The following KDM2A variants were observed in gnomAD, a reference collection of about 807,000 sequenced individuals.
KDM2A encodes the protein lysine-specific demethylase 2A.
In KDM2A, 3 loss-of-function variants were observed where a neutral mutation model predicts 137.3. The ratio of observed to expected loss-of-function variants is 0.02; its 90% CI spans 0.01 to 0.06. The LOEUF (loss-of-function observed/expected upper bound fraction) is 0.06. KDM2A is among the 10% of genes least tolerant of loss of function. The pLI is 1.00. For synonymous variants in KDM2A, 512 were observed against 541.5 expected (o/e 0.95, Z 0.76); for missense variants, 738 against 1,510.6 (o/e 0.49, Z 8.48).
At chr11:67,126,689 CAG>C (rs1197694727) in intron 2 of KDM2A, among the ~76,000 whole-genome samples, 3 of 135,636 alleles carry the variant, frequency 2.2e-5, no homozygotes, top group Non-Finnish European at 3.1e-5. Context: ...GCCTGGGCGA[CAG>C]AGCGAGACTC....
At chr11:67,249,062 G>A (rs1390808541) in intron 16 of KDM2A, among the ~76,000 whole-genome samples, 1 of 152,236 alleles carries the variant, frequency 6.6e-6, no homozygotes, top group Non-Finnish European at 1.5e-5. Flanking sequence ...CACGGGAGCA[G>A]GGAAGGGGGC....
intron 2 of KDM2A, among the ~76,000 whole-genome samples, chr11:67,161,036 C>G (rs1020433539): frequency 6.6e-6 from 1 of 152,274 alleles, no homozygotes; most frequent in East Asian, 1.9e-4. Context: ...ACTTCTCTTT[C>G]CTTTCCTTTT....
chr11:67,232,786 C>G (rs1448005617), intron 12 of KDM2A, among the ~76,000 whole-genome samples: 1 of 151,792 alleles, frequency 6.6e-6, no homozygotes, highest in African/African-American at 2.4e-5. Context: ...CGGCTCACTG[C>G]AACCTCCACC....
At chr11:67,204,245 A>G (rs2136375747) in intron 5 of KDM2A, among the ~76,000 whole-genome samples, 1 of 152,248 alleles carries the variant, frequency 6.6e-6, no homozygotes, top group South Asian at 2.1e-4. Context: ...ATTTTAAAGC[A>G]TACCAGTGTC....
chr11:67,191,811 A>G (rs924848313), intron 5 of KDM2A, among the ~76,000 whole-genome samples: 28 of 152,328 alleles, frequency 1.8e-4, no homozygotes, highest in East Asian at 1.3e-3. Flanking sequence ...CCTCTATTCA[A>G]TGTAGCACTG....
chr11:67,232,080 A>G (rs937198588), intron 12 of KDM2A, 120 bp downstream of exon 12: 7 of 913,582 alleles, frequency 7.7e-6, no homozygotes, highest in African/African-American at 6.6e-5. Flanking sequence ...AGAGAAGTTA[A>G]TATGCATGTG....
chr11:67,254,544 C>G lies in KDM2A; in HGVS notation c.3307+126C>G. On this transcript the variant is annotated intron_variant, in intron 20 of 20. Coordinates refer to ENST00000529006, the MANE Select transcript of KDM2A (RefSeq NM_012308.3). This position sits in a 1 kb window ranked among gnomAD's most constrained non-coding sequence, Gnocchi z 4.7. The stretch of plus-strand genomic sequence containing the variant: ...CCCACATCAGCTCATTTCTTCACAT[C>G]TGGACAAGGACATGGATTTCTATCC... 2.4e-6 allele frequency: 2 copies of G among 817,330 alleles called. No homozygotes were observed. Among genetic ancestry groups the G allele is most frequent in the Non-Finnish European group, 4.1e-6 (2 of 493,012 alleles). The allele number at this position is 817,330 out of a possible 1,614,324, so 50.6% of individuals were successfully genotyped here. A position where few individuals can be genotyped will look rare whatever the true frequency, so the allele number is the denominator to read the frequency against.
intron 12 of KDM2A, among the ~76,000 whole-genome samples, chr11:67,237,480 G>A (rs867764556): frequency 5.3e-5 from 8 of 151,192 alleles, no homozygotes; most frequent in Admixed American, 3.3e-4. Flanking sequence ...TATTAGCAAC[G>A]AGGTCTTGCT....
At chr11:67,151,301 G>A (rs1856381111) in intron 2 of KDM2A, among the ~76,000 whole-genome samples, 1 of 151,894 alleles carries the variant, frequency 6.6e-6, no homozygotes, top group African/African-American at 2.4e-5. Flanking sequence ...GTGAAATGTG[G>A]CTACTATGAA....
At chr11:67,226,315 G>A (rs1012661701) in intron 10 of KDM2A, among the ~76,000 whole-genome samples, 1 of 152,066 alleles carries the variant, frequency 6.6e-6, no homozygotes, top group Non-Finnish European at 1.5e-5. Flanking sequence ...TTCATTTGAT[G>A]GATCTGATTT....
intron 5 of KDM2A, among the ~76,000 whole-genome samples, chr11:67,182,597 A>G (rs566875604): frequency 1.3e-4 from 20 of 148,464 alleles, no homozygotes; most frequent in Non-Finnish European, 2.8e-4. Flanking sequence ...CAGTGGCACA[A>G]TCTCGGCTCA....
At chr11:67,247,040 TATA>T (rs1565423985) in intron 15 of KDM2A, among the ~76,000 whole-genome samples, 35 of 19,212 alleles carry the variant, frequency 1.8e-3, no homozygotes, top group South Asian at 0.014. Flanking sequence ...AATTATTTTA[TATA>T]TATATATATA....
intron 2 of KDM2A, among the ~76,000 whole-genome samples, chr11:67,126,870 AC>A (rs1355368059): frequency 6.6e-6 from 1 of 152,162 alleles, no homozygotes; most frequent in East Asian, 1.9e-4. Flanking sequence ...TTGGAGTGGA[AC>A]AGCTAGGAAA....
intron 5 of KDM2A, among the ~76,000 whole-genome samples, chr11:67,199,055 C>A (rs530351204): frequency 5.9e-5 from 9 of 152,278 alleles, no homozygotes; most frequent in African/African-American, 1.9e-4. Context: ...GCTGAGATTA[C>A]AGGCATGAGC....
At chr11:67,166,685 G>A (rs995386804) in intron 2 of KDM2A, among the ~76,000 whole-genome samples, 2 of 151,536 alleles carry the variant, frequency 1.3e-5, no homozygotes, top group Admixed American at 6.6e-5. Flanking sequence ...TACAGATCAG[G>A]TATCTGTACT....
chr11:67,241,487 A>C (rs1001461977), intron 12 of KDM2A, among the ~76,000 whole-genome samples: 3 of 152,042 alleles, frequency 2.0e-5, no homozygotes, highest in African/African-American at 7.3e-5. Context: ...TCCTTAGGTT[A>C]AGAATGAAAA....
chr11:67,158,934 T>G (rs993869243), intron 2 of KDM2A, among the ~76,000 whole-genome samples: 1 of 152,244 alleles, frequency 6.6e-6, no homozygotes, highest in Non-Finnish European at 1.5e-5. Context: ...ATATAAAATA[T>G]GTGTTTTGCG....
intron 5 of KDM2A, among the ~76,000 whole-genome samples, chr11:67,197,994 G>A (rs929939886): frequency 2.6e-4 from 3 of 11,730 alleles, no homozygotes; most frequent in Non-Finnish European, 1.2e-3. Flanking sequence ...AATAAAGTAA[G>A]ATAAAAATTC....
chr11:67,177,144 G>T (rs1182918506), intron 2 of KDM2A, among the ~76,000 whole-genome samples: 1 of 151,562 alleles, frequency 6.6e-6, no homozygotes, highest in Non-Finnish European at 1.5e-5. Context: ...TGAGGCGAGA[G>T]AATCCCAGCT....
Sources: gnomAD v4.1 joint callset for allele counts (sites outside exome capture counted in the v4.1 genomes callset) on GRCh38, gnomAD v4.1.1 for gene constraint, Gnocchi (gnomAD v3.1) non-coding constraint, MANE v1.5 for transcripts, NCBI Gene and HGNC (gene_info 2026-07-23, HGNC 2026-07-21) for gene names.